DGKD: variants seen among roughly 807,000 people sequenced by gnomAD.
The protein encoded by DGKD is DAG kinase delta.
DGKD carries 68 observed loss-of-function variants against 154.4 expected under a neutral mutation model. The observed-to-expected ratio is 0.44, with a 90% CI of 0.36 to 0.54. The LOEUF (loss-of-function observed/expected upper bound fraction) is 0.54. Ranked by LOEUF, DGKD falls within the 20% of genes least tolerant of loss-of-function variation. The pLI is 0.00. For missense variants in DGKD, 1,343 were observed against 1,593.6 expected, an observed-to-expected ratio of 0.84 and a Z score of 2.68; for synonymous variants, 693 against 638.0, an observed-to-expected ratio of 1.09 and a Z score of -1.30.
rs527624795 is a variant in DGKD, at chr2:233,369,649, G to A, written c.156+14975G>A. ...TTGAATGGCGTTTGCCAGGCTGCGG[G>A]TTTGAATTGCTGTTTCCTGGGGACT... On this transcript the variant is annotated intron_variant, in intron 1 of 29. Coordinates refer to ENST00000264057, the MANE Select transcript of DGKD (RefSeq NM_152879.3). 1.3e-3 allele frequency among the ~76,000 whole-genome samples: 202 copies of A among 152,292 alleles called. 1 individual carries two copies. Among genetic ancestry groups the A allele is most frequent in the African/African-American group, 4.7e-3 (194 of 41,570 alleles).
chr2:233,450,492 G>A (rs866727205), intron 16 of DGKD, among the ~76,000 whole-genome samples: 4 of 152,112 alleles, frequency 2.6e-5, no homozygotes, highest in South Asian at 2.1e-4. Flanking sequence ...GTGGGTGAGC[G>A]TGGGCCTTCT....
At chr2:233,406,360 C>T (rs2061686953) in intron 3 of DGKD, among the ~76,000 whole-genome samples, 1 of 152,184 alleles carries the variant, frequency 6.6e-6, no homozygotes, top group African/African-American at 2.4e-5. Context: ...ATTCGATGCC[C>T]TATAGCTACA....
At chr2:233,463,257 A>G (rs973813625) in intron 26 of DGKD, among the ~76,000 whole-genome samples, 6 of 151,612 alleles carry the variant, frequency 4.0e-5, no homozygotes, top group African/African-American at 1.2e-4. Context: ...TCCGCACGCC[A>G]CTCACCTCCT....
rs79737101 is a variant in DGKD, at chr2:233,444,362, G to A, written c.1195-1261G>A. Among the ~76,000 whole-genome samples the A allele has an allele frequency of 9.9e-3, 1,503 of 151,938 alleles. 25 individuals are homozygous for A. Among genetic ancestry groups the A allele is most frequent in the African/African-American group, 0.034 (1,403 of 41,394 alleles). On this transcript the variant is annotated intron_variant, in intron 10 of 29. Coordinates refer to ENST00000264057, the MANE Select transcript of DGKD (RefSeq NM_152879.3). ...GCAGCTCACCCAGGCGACCTTTCCCGGGGCATTTCTGCCTGTGCACCCCCC... is the reference window on the plus strand; with the variant it reads ...GCAGCTCACCCAGGCGACCTTTCCCAGGGCATTTCTGCCTGTGCACCCCCC...
Position 233,452,654 on chromosome 2 carries a change from G to A in DGKD, c.2264+594G>A, listed in dbSNP as rs921199352. On this transcript the variant is annotated intron_variant, in intron 18 of 29. Transcript: ENST00000264057. The surrounding 1 kb of genome is among the most constrained non-coding windows in gnomAD (Gnocchi z 4.0). ...ATACTGCTACTCCTTGGGGGACAAG[G>A]CCTTCTTCCTCTGCTGGCCTGTAAG... Among the ~76,000 whole-genome samples the A allele has an allele frequency of 1.6e-4, 24 of 152,164 alleles. No individual in the cohort carries two copies. Among genetic ancestry groups the A allele is most frequent in the African/African-American group, 5.5e-4 (23 of 41,446 alleles).
intron 3 of DGKD, among the ~76,000 whole-genome samples, chr2:233,396,408 T>G (rs1326261205): frequency 6.6e-6 from 1 of 152,174 alleles, no homozygotes; most frequent in Non-Finnish European, 1.5e-5. Context: ...TGGCAAGCAT[T>G]TTTTTTGGGG....
At chr2:233,442,024 G>T (rs751989048) in intron 10 of DGKD, 29 bp downstream of exon 10, 1 of 1,588,328 alleles carries the variant, frequency 6.3e-7, no homozygotes, top group African/African-American at 1.3e-5. Context: ...GCCCAGCCAG[G>T]AGCAGAGAGG....
intron 3 of DGKD, among the ~76,000 whole-genome samples, chr2:233,397,016 T>TG (rs71058553): frequency 4.4e-4 from 1 of 2,298 alleles, no homozygotes; most frequent in Non-Finnish European, 8.5e-4. Context: ...CCAGGGTGGC[T>TG]GGGGGGGGGG....
At chr2:233,385,988 CG>C (rs1559489585) in intron 1 of DGKD, 6 of 470,508 alleles carry the variant, frequency 1.3e-5, no homozygotes, top group African/African-American at 1.2e-4. Context: ...AAAGATTGTG[CG>C]TGTGCGTGTG....
chr2:233,448,179 C>T lies in DGKD; in HGVS notation c.1512C>T (p.Ala504=). Reference sequence around the variant, plus strand: ...AGCACTCGGTGGTCATCTCCTCGGCCAAGTGAGTGCCTGGTGGCCCTGGGG... The same window carrying T: ...AGCACTCGGTGGTCATCTCCTCGGCTAAGTGAGTGCCTGGTGGCCCTGGGG... The part of the protein sequence containing the change: ...SDQHSVVISS[A]KVLCETVKDF... Residue 504 remains alanine (A), a splice_region_variant and synonymous_variant, in exon 13 of 30, where the codon GCC becomes GCT. Coordinates refer to ENST00000264057, the MANE Select transcript of DGKD (RefSeq NM_152879.3). The T allele has an allele frequency of 6.2e-7, 1 of 1,614,048 alleles. No individual in the cohort carries two copies. Among genetic ancestry groups the T allele is most frequent in the Non-Finnish European group, 8.5e-7 (1 of 1,179,992 alleles).
In DGKD at chr2:233,449,365, A is replaced by G; in HGVS notation, c.1877A>G (p.His626Arg). Residue 626 changes from histidine (H) to arginine (R), a missense_variant, in exon 15 of 30, where the codon CAC (histidine) becomes CGC (arginine). His to Arg is a conservative substitution (Grantham distance 29). Around this residue, in one of 6 missense-constraint regions of DGKD, gnomAD observed 409 missense variants for 446.0 expected, o/e 0.92. Transcript: ENST00000264057. The surrounding 1 kb of genome is among the most constrained non-coding windows in gnomAD (Gnocchi z 5.3). Reference protein sequence around the residue: ...LKKAIRQIIEHTEKAVDEQNA... With the variant: ...LKKAIRQIIERTEKAVDEQNA... The stretch of plus-strand genomic sequence containing the variant: ...AAAGCAATTCGTCAGATCATAGAAC[A>G]CACAGAAAAAGGTAACTGGCCTTGT... 6.9e-6 allele frequency: 11 copies of G among 1,595,656 alleles called. No individual in the cohort carries two copies. The highest frequency in any genetic ancestry group is 2.7e-5 in the African/African-American group (2 of 74,748).
rs2063021395 is a variant in DGKD at position 233,445,061 on chromosome 2, C to T, written c.1195-562C>T. ...TGCATGAGGTCTCTTCCTGGAACAG[C>T]AGGCAGGCGGGCAGAGGCTGAGCTC... On this transcript the variant is annotated intron_variant, in intron 10 of 29. Transcript: ENST00000264057. This position sits in a 1 kb window ranked among gnomAD's most constrained non-coding sequence, Gnocchi z 5.5. Among the ~76,000 whole-genome samples the T allele has an allele frequency of 6.6e-6, 1 of 152,162 alleles. No individual in the cohort carries two copies. The highest frequency in any genetic ancestry group is 2.4e-5 in the African/African-American group (1 of 41,432).
intron 3 of DGKD, among the ~76,000 whole-genome samples, chr2:233,418,823 C>T (rs186297381): frequency 6.6e-6 from 1 of 152,256 alleles, no homozygotes; most frequent in East Asian, 1.9e-4. Context: ...AGGTTGCAGA[C>T]AGGGCAGCGT....
rs1035236705 is a variant in DGKD, at chr2:233,434,272, T to A, written c.349-108T>A. 1.2e-5 allele frequency: 10 copies of A among 807,084 alleles called. No individual in the cohort carries two copies. The African/African-American group carries it at 1.6e-4, about 13-fold the overall frequency. 50.0% of individuals were successfully genotyped at this position (807,084 alleles called of 1,614,324 possible). On this transcript the variant is annotated intron_variant, in intron 3 of 29. Coordinates refer to ENST00000264057, the MANE Select transcript of DGKD (RefSeq NM_152879.3). Reference sequence around the variant, plus strand: ...TTTCGGTTCAGTGTGAATACCTGAATGAAATAGTAATTTTTATGTCTGTGT... The same window carrying A: ...TTTCGGTTCAGTGTGAATACCTGAAAGAAATAGTAATTTTTATGTCTGTGT...
At chr2:233,446,109 C>T (rs1446921397) in intron 11 of DGKD, among the ~76,000 whole-genome samples, 2 of 152,180 alleles carry the variant, frequency 1.3e-5, no homozygotes, top group African/African-American at 4.8e-5. Flanking sequence ...TTTACTTGAA[C>T]AGTTTCATTT....
At chr2:233,397,997 T>A (rs1024706411) in intron 3 of DGKD, among the ~76,000 whole-genome samples, 1 of 151,974 alleles carries the variant, frequency 6.6e-6, no homozygotes, top group African/African-American at 2.4e-5. Flanking sequence ...TTATTTAATT[T>A]GTTGGTTTTT....
At chr2:233,426,861 C>T (rs1575097898) in intron 3 of DGKD, among the ~76,000 whole-genome samples, 1 of 152,186 alleles carries the variant, frequency 6.6e-6, no homozygotes, top group Non-Finnish European at 1.5e-5. Context: ...TACAGCTCAG[C>T]CATTGTGAGA....
intron 3 of DGKD, among the ~76,000 whole-genome samples, chr2:233,416,972 G>A (rs781277980): frequency 2.0e-5 from 3 of 152,198 alleles, no homozygotes; most frequent in African/African-American, 4.8e-5. Context: ...GCTACGGTGT[G>A]CATTGCAGCC....
intron 3 of DGKD, among the ~76,000 whole-genome samples, chr2:233,395,378 T>G (rs980486299): frequency 9.2e-5 from 14 of 152,018 alleles, no homozygotes; most frequent in African/African-American, 3.4e-4. Flanking sequence ...CCATGTCACC[T>G]AGGCTATTCT....
Sources: gnomAD v4.1 joint callset for allele counts (sites outside exome capture counted in the v4.1 genomes callset) on GRCh38, gnomAD v4.1.1 for gene constraint, gnomAD v4.1.1 regional missense constraint, Gnocchi (gnomAD v3.1) non-coding constraint, MANE v1.5 for transcripts, NCBI Gene and HGNC (gene_info 2026-07-23, HGNC 2026-07-21) for gene names.